The following HEG1 variants were observed in gnomAD, a reference collection of about 807,000 sequenced individuals.
HEG1 encodes protein HEG homolog 1.
A neutral mutation model predicts 125.6 loss-of-function variants in HEG1; 56 were observed. That is an observed-to-expected ratio of 0.45 (90% CI 0.36 to 0.56). The LOEUF (loss-of-function observed/expected upper bound fraction) is 0.56. HEG1 is among the 20% of genes least tolerant of loss of function. HEG1 has a pLI of 0.00. For synonymous variants in HEG1, 644 were observed against 668.5 expected, an observed-to-expected ratio of 0.96 and a Z score of 0.57; for missense variants, 1,523 against 1,670.0, an observed-to-expected ratio of 0.91 and a Z score of 1.53.
chr3:125,054,822 T>C (rs942834894), intron 1 of HEG1, among the ~76,000 whole-genome samples: 1 of 152,200 alleles, frequency 6.6e-6, no homozygotes, highest in African/African-American at 2.4e-5. Flanking sequence ...AAGGTCATAA[T>C]GGTATTATGG....
intron 1 of HEG1, among the ~76,000 whole-genome samples, chr3:125,043,074 C>T (rs1010171772): frequency 2.0e-5 from 3 of 152,238 alleles, no homozygotes; most frequent in African/African-American, 4.8e-5. Flanking sequence ...AAAAATCAAG[C>T]ATGTTGGAAA....
chr3:124,973,930 A>C (rs1355477662), intron 15 of HEG1, 25 bp from the exon 16 acceptor site: 8 of 1,552,854 alleles, frequency 5.2e-6, no homozygotes, highest in Non-Finnish European at 1.8e-6. Context: ...AATATTTGTA[A>C]AGCTCAATTC....
intron 8 of HEG1, among the ~76,000 whole-genome samples, chr3:125,005,800 C>G (rs1160719608): frequency 6.6e-6 from 1 of 152,196 alleles, no homozygotes; most frequent in East Asian, 1.9e-4. Flanking sequence ...CAGGCCTCAT[C>G]AGGCTTTCGA....
intron 3 of HEG1, among the ~76,000 whole-genome samples, chr3:125,023,461 A>T (rs974423760): frequency 2.0e-5 from 3 of 152,168 alleles, no homozygotes; most frequent in Non-Finnish European, 4.4e-5. Flanking sequence ...ATCAAAAACT[A>T]CCATTTACTG....
At chr3:124,985,257 G>A (rs1423383860) in intron 14 of HEG1, among the ~76,000 whole-genome samples, 1 of 152,096 alleles carries the variant, frequency 6.6e-6, no homozygotes, top group Admixed American at 6.5e-5. Flanking sequence ...TTAGTAGTAA[G>A]GAAACATGGT....
At chr3:124,994,566 C>A (rs7629095) in intron 12 of HEG1, among the ~76,000 whole-genome samples, 37,730 of 150,120 alleles carry the variant, frequency 0.25, 4,873 homozygotes, top group East Asian at 0.36. Context: ...AGTGCAGTGG[C>A]GGGATCTCAG....
intron 14 of HEG1, among the ~76,000 whole-genome samples, chr3:124,988,179 G>A (rs1396117011): frequency 2.0e-5 from 3 of 151,534 alleles, no homozygotes; most frequent in Non-Finnish European, 4.4e-5. Context: ...AGATTCACAC[G>A]AAAAAGTGAA....
At chr3:124,974,553 T>C (rs1170232153) in intron 15 of HEG1, among the ~76,000 whole-genome samples, 1 of 152,220 alleles carries the variant, frequency 6.6e-6, no homozygotes, top group African/African-American at 2.4e-5. Flanking sequence ...GGTTTGTTTA[T>C]GAAAAAGCCC....
intron 15 of HEG1, among the ~76,000 whole-genome samples, chr3:124,977,073 T>G (rs1936559477): frequency 6.6e-6 from 1 of 152,054 alleles, no homozygotes; most frequent in East Asian, 1.9e-4. Flanking sequence ...GTTCTCATGA[T>G]AGTAAATGAG....
intron 1 of HEG1, among the ~76,000 whole-genome samples, chr3:125,042,237 G>A (rs766719150): frequency 1.3e-5 from 2 of 152,122 alleles, no homozygotes; most frequent in Admixed American, 1.3e-4. Context: ...AGACCAGCCT[G>A]GCCAACATGG....
rs925133683 is a variant in HEG1 at position 125,013,585 on chromosome 3, G to A, written c.1994C>T (p.Ser665Phe). ...CCCTGAAGAAGAAGAAGAGGAGGAG[G>A]AGGAAGAGGAGGAGGAGGAGTCACT... ...FVSDSSSSSS[S>F]SSSSSSSGPP... Residue 665 changes from serine to phenylalanine, a missense_variant, in exon 6 of 17, where the codon TCC (serine) becomes TTC (phenylalanine). Transcript: ENST00000311127. The A allele has an allele frequency of 6.3e-7, 1 of 1,594,952 alleles. No individual in the cohort carries two copies. The highest frequency in any genetic ancestry group is 8.5e-7 in the Non-Finnish European group (1 of 1,170,672).
chr3:124,993,506 T>C (rs1055732596), intron 12 of HEG1, among the ~76,000 whole-genome samples: 11 of 152,136 alleles, frequency 7.2e-5, no homozygotes, highest in Admixed American at 5.9e-4. Context: ...GCCCTCCTCC[T>C]GTGTATGCCT....
intron 14 of HEG1, among the ~76,000 whole-genome samples, chr3:124,979,231 C>A (rs534201478): frequency 6.6e-6 from 1 of 152,232 alleles, no homozygotes; most frequent in Middle Eastern, 3.4e-3. Flanking sequence ...GGATTACAGG[C>A]TTGAGCCACC....
intron 12 of HEG1, among the ~76,000 whole-genome samples, chr3:124,992,927 A>G (rs1936856474): frequency 1.3e-5 from 2 of 152,198 alleles, no homozygotes; most frequent in Non-Finnish European, 2.9e-5. Flanking sequence ...GCTTTTTGTT[A>G]TAAGCGGCAG....
At chr3:125,041,694 C>T (rs181685470) in intron 1 of HEG1, among the ~76,000 whole-genome samples, 26 of 152,302 alleles carry the variant, frequency 1.7e-4, no homozygotes, top group Admixed American at 1.0e-3. Context: ...ATGAAAGCAA[C>T]CCAGCTGTCT....
In HEG1 at chr3:124,973,735, T is replaced by C. The variant is rs200777896; in HGVS notation, c.3992A>G (p.Tyr1331Cys). ...TCCTGACACAGGAATACACACCGAG[T>C]AGTACACATCCGTCATCTGGAGGAG... ...KNLLQMTDVY[Y>C]SPTSVRNPEL... Residue 1331 changes from tyrosine to cysteine, a missense_variant, in exon 16 of 17, where the codon TAC becomes TGC. Transcript: ENST00000311127. 436 of 1,612,870 alleles carry C rather than the reference T, an allele frequency of 2.7e-4. No homozygotes were observed. The highest frequency in any genetic ancestry group is 3.4e-4 in the Non-Finnish European group (406 of 1,179,452).
chr3:125,022,121 A>T (rs920951655), intron 3 of HEG1, among the ~76,000 whole-genome samples: 1 of 152,240 alleles, frequency 6.6e-6, no homozygotes, highest in Non-Finnish European at 1.5e-5. Flanking sequence ...GTCTATTAAA[A>T]TCTTCATTCC....
At chr3:125,051,693 T>G (rs2948830) in intron 1 of HEG1, among the ~76,000 whole-genome samples, 1 of 152,036 alleles carries the variant, frequency 6.6e-6, no homozygotes, top group African/African-American at 2.4e-5. Flanking sequence ...TGGAAGAGAA[T>G]ATTTACTGCA....
chr3:124,979,055 T>C (rs1292308475), intron 14 of HEG1, among the ~76,000 whole-genome samples: 1 of 151,998 alleles, frequency 6.6e-6, no homozygotes, highest in Admixed American at 6.6e-5. Flanking sequence ...GTTCAAGCGA[T>C]TCTTCTGCCT....
Sources: gnomAD v4.1 joint callset for allele counts (sites outside exome capture counted in the v4.1 genomes callset) on GRCh38, gnomAD v4.1.1 for gene constraint, MANE v1.5 for transcripts, NCBI Gene and HGNC (gene_info 2026-07-23, HGNC 2026-07-21) for gene names.